The following ROBO2 variants were observed in gnomAD, a reference collection of about 807,000 sequenced individuals.
The protein encoded by ROBO2 is roundabout guidance receptor 2.
Under a neutral mutation model 160.8 loss-of-function variants are expected in ROBO2, and 53 were observed. The observed-to-expected ratio is 0.33, with a 90% CI of 0.26 to 0.41. The LOEUF (loss-of-function observed/expected upper bound fraction) is 0.41. ROBO2 is among the 10% of genes least tolerant of loss of function. ROBO2 has a pLI of 1.00. For missense variants in ROBO2, 1,577 were observed against 1,722.4 expected (o/e 0.92, Z 1.49); for synonymous variants, 664 against 611.7 (o/e 1.09, Z -1.26).
intron 2 of ROBO2, among the ~76,000 whole-genome samples, chr3:76,481,406 G>T (rs1440911390): frequency 6.6e-6 from 1 of 152,080 alleles, no homozygotes; most frequent in East Asian, 1.9e-4. Flanking sequence ...GGAAGGTTAG[G>T]GTAGCAAGAA....
chr3:76,397,383 C>T (rs893498780), intron 2 of ROBO2, among the ~76,000 whole-genome samples: 2 of 152,044 alleles, frequency 1.3e-5, no homozygotes, highest in African/African-American at 2.4e-5. Flanking sequence ...AGAAGAAAAC[C>T]TAGGCATTAC....
At chr3:77,022,457 AAATATATT>A (rs1487257176) in intron 2 of ROBO2, among the ~76,000 whole-genome samples, 1 of 152,218 alleles carries the variant, frequency 6.6e-6, no homozygotes, top group Non-Finnish European at 1.5e-5. Context: ...TAGCAACAGA[AAATATATT>A]AAGACACTGG....
chr3:76,456,503 C>T (rs1027497410), intron 2 of ROBO2, among the ~76,000 whole-genome samples: 1 of 152,170 alleles, frequency 6.6e-6, no homozygotes, highest in African/African-American at 2.4e-5. Flanking sequence ...TACTTTACGT[C>T]AGTGACTCAG....
chr3:76,438,410 TCACACACACACA>T (rs35326545), intron 2 of ROBO2, among the ~76,000 whole-genome samples: 5 of 146,202 alleles, frequency 3.4e-5, no homozygotes, highest in African/African-American at 7.5e-5. Context: ...TGTAATCAGT[TCACACACACACA>T]CACACACACA....
intron 2 of ROBO2, among the ~76,000 whole-genome samples, chr3:77,368,997 G>C (rs1359895762): frequency 6.6e-6 from 1 of 152,034 alleles, no homozygotes; most frequent in Non-Finnish European, 1.5e-5. Context: ...TCTTGCGGTG[G>C]GGTTGCAAAC....
At chr3:76,059,885 A>T (rs1018566552) in intron 2 of ROBO2, among the ~76,000 whole-genome samples, 1 of 152,118 alleles carries the variant, frequency 6.6e-6, no homozygotes, top group African/African-American at 2.4e-5. Flanking sequence ...CAGTTTTCCT[A>T]GCACCATTTA....
At chr3:77,081,385 C>A (rs921908451) in intron 1 of ROBO2, among the ~76,000 whole-genome samples, 3 of 152,162 alleles carry the variant, frequency 2.0e-5, no homozygotes, top group African/African-American at 7.2e-5. Flanking sequence ...AAGGTGATCT[C>A]ACCTCTGAGG....
intron 2 of ROBO2, among the ~76,000 whole-genome samples, chr3:77,257,778 C>A (rs1256834861): frequency 2.6e-5 from 4 of 151,926 alleles, no homozygotes; most frequent in African/African-American, 9.7e-5. Context: ...AGATAAGTGG[C>A]GTAATTGAAG....
At chr3:76,974,228 T>C (rs1202955597) in intron 2 of ROBO2, among the ~76,000 whole-genome samples, 1 of 152,208 alleles carries the variant, frequency 6.6e-6, no homozygotes, top group African/African-American at 2.4e-5. Flanking sequence ...AAAATTCTAA[T>C]AAACAGCCTT....
chr3:76,487,376 C>T (rs961324019), intron 2 of ROBO2, among the ~76,000 whole-genome samples: 4 of 151,924 alleles, frequency 2.6e-5, no homozygotes, highest in South Asian at 2.1e-4. Context: ...GGGATAAAAA[C>T]GTATGTAAAA....
At chr3:77,546,213 G>A in intron 6 of ROBO2, 125 bp from the exon 8 acceptor site, 1 of 1,079,698 alleles carries the variant, frequency 9.3e-7, no homozygotes. Context: ...ATGTGTAAAA[G>A]TAAATAAAAA....
chr3:76,491,926 C>T lies in ROBO2; in HGVS notation c.109+554324C>T, dbSNP rs372171886. ...CCTAGCCAACATGGTGAAACCCAGT[C>T]TCTACTAAAAATACAAACAAACAAA... On this transcript the variant is annotated intron_variant, in intron 2 of 26. Coordinates refer to the ROBO2 transcript ENST00000487694. Among the ~76,000 whole-genome samples, 248 of 152,186 alleles carry T rather than the reference C, an allele frequency of 1.6e-3. 1 individual carries two copies. The highest frequency in any genetic ancestry group is 5.8e-3 in the African/African-American group (240 of 41,530).
intron 2 of ROBO2, among the ~76,000 whole-genome samples, chr3:76,549,325 G>A (rs980613152): frequency 5.3e-5 from 8 of 151,998 alleles, no homozygotes; most frequent in South Asian, 2.1e-4. Flanking sequence ...ATCATTTCCC[G>A]TAATTTGGCC....
chr3:77,409,293 G>A (rs766449155), intron 2 of ROBO2, among the ~76,000 whole-genome samples: 1 of 151,656 alleles, frequency 6.6e-6, no homozygotes, highest in South Asian at 2.1e-4. Context: ...TTTAGTAGGC[G>A]ATTTCATAAC....
intron 2 of ROBO2, among the ~76,000 whole-genome samples, chr3:76,199,357 G>A (rs1702410991): frequency 6.6e-6 from 1 of 151,962 alleles, no homozygotes; most frequent in South Asian, 2.1e-4. Context: ...GGGTACCTTG[G>A]TCCTACAACC....
intron 24 of ROBO2, among the ~76,000 whole-genome samples, chr3:77,644,321 G>A (rs2095389790): frequency 1.3e-5 from 2 of 152,028 alleles, no homozygotes; most frequent in Admixed American, 6.6e-5. Flanking sequence ...CAAAAAACAT[G>A]TTTCTTTAAT....
chr3:76,759,670 G>GAGTTTCTAT (rs200372793), intron 2 of ROBO2, among the ~76,000 whole-genome samples: 3,023 of 151,692 alleles, frequency 0.02, 96 homozygotes, highest in African/African-American at 0.068. Context: ...CTCGGATTAA[G>GAGTTTCTAT]AGGAGTTTGT....
intron 2 of ROBO2, among the ~76,000 whole-genome samples, chr3:76,043,678 A>G (rs1161997796): frequency 6.6e-6 from 1 of 151,440 alleles, no homozygotes; most frequent in Non-Finnish European, 1.5e-5. Flanking sequence ...AAACAAACCA[A>G]AACAAAAAAA....
At chr3:76,640,905 A>C (rs984328962) in intron 2 of ROBO2, among the ~76,000 whole-genome samples, 2 of 152,218 alleles carry the variant, frequency 1.3e-5, no homozygotes, top group Non-Finnish European at 2.9e-5. Flanking sequence ...CAAAGCCAAG[A>C]TCATTTGAGC....
Sources: gnomAD v4.1 joint callset for allele counts (sites outside exome capture counted in the v4.1 genomes callset) on GRCh38, gnomAD v4.1.1 for gene constraint, MANE v1.5 for transcripts, NCBI Gene and HGNC (gene_info 2026-07-23, HGNC 2026-07-21) for gene names.